Variants in KIF5B observed in about 807,000 individuals in gnomAD.
KIF5B encodes the protein kinesin-1 heavy chain.
In KIF5B, 49 loss-of-function variants were observed where a neutral mutation model predicts 132.8. The observed-to-expected ratio is 0.37, with a 90% CI of 0.29 to 0.47. The LOEUF (loss-of-function observed/expected upper bound fraction) is 0.47, where lower values mean the gene tolerates loss of function less well. KIF5B is among the 20% of genes least tolerant of loss of function. The pLI is 1.00. For synonymous variants in KIF5B, 355 were observed against 369.4 expected, an observed-to-expected ratio of 0.96 and a Z score of 0.45; for missense variants, 780 against 1,144.0, an observed-to-expected ratio of 0.68 and a Z score of 4.59.
chr10:32,037,849 C>G (rs987652922), intron 6 of KIF5B, among the ~76,000 whole-genome samples: 1 of 151,784 alleles, frequency 6.6e-6, no homozygotes, highest in Non-Finnish European at 1.5e-5. Flanking sequence ...AATTGGCTCA[C>G]GCCTGTAATC....
intron 1 of KIF5B, among the ~76,000 whole-genome samples, chr10:32,055,539 C>G (rs998681751): frequency 6.6e-6 from 1 of 151,944 alleles, no homozygotes; most frequent in Non-Finnish European, 1.5e-5. Flanking sequence ...CACACACACA[C>G]ACGCAGACAA....
intron 25 of KIF5B, among the ~76,000 whole-genome samples, chr10:32,013,700 GTTATT>G (rs1841116567): frequency 6.6e-6 from 1 of 152,098 alleles, no homozygotes; most frequent in Non-Finnish European, 1.5e-5. Context: ...GTAGAAAAAT[GTTATT>G]TTAGAGATTC....
intron 14 of KIF5B, among the ~76,000 whole-genome samples, chr10:32,030,235 C>T (rs1262885219): frequency 2.0e-5 from 3 of 152,036 alleles, no homozygotes; most frequent in East Asian, 1.9e-4. Context: ...TCCATCTAGT[C>T]GCCAGGCACG....
rs761334417 is a variant in KIF5B, at chr10:32,031,121, G to A, written c.1533C>T (p.Asp511=). ...TAAGCAATTCATATTCCTTAGTTTTGTCTTCAACTTCCTGAGACTTCTGAT... is the reference window on the plus strand; with the variant it reads ...TAAGCAATTCATATTCCTTAGTTTTATCTTCAACTTCCTGAGACTTCTGAT... ...NYDQKSQEVE[D]KTKEYELLSD... Residue 511 remains aspartate (D), a synonymous_variant, in exon 14 of 26, where the codon GAC becomes GAT. Transcript: ENST00000302418. 1 of 1,613,738 alleles carries A rather than the reference G, an allele frequency of 6.2e-7. No individual in the cohort carries two copies. Among genetic ancestry groups the A allele is most frequent in the South Asian group, 1.1e-5 (1 of 91,078 alleles).
chr10:32,019,904 A>C lies in KIF5B; in HGVS notation c.2260T>G (p.Leu754Val), dbSNP rs749918352. Reference protein sequence around the residue: ...QERLRVEHEKLKATDQEKSRK... With the variant: ...QERLRVEHEKVKATDQEKSRK... ...CTCTTTTCCTGATCTGTGGCTTTCA[A>C]CTTCTCATGTTCTACTCTTAGACGT... is the stretch of plus-strand genomic sequence containing the variant. The change falls in exon 20 of 26, where the codon TTG becomes GTG. Residue 754 changes from leucine to valine, a missense_variant. Physicochemically the swap from Leu to Val is conservative, Grantham distance 32. Coordinates refer to ENST00000302418, the MANE Select transcript of KIF5B (RefSeq NM_004521.3). 1.2e-6 allele frequency: 2 copies of C among 1,612,452 alleles called. No individual in the cohort carries two copies. The highest frequency in any genetic ancestry group is 8.5e-7 in the Non-Finnish European group (1 of 1,179,544).
Position 32,056,061 on chromosome 10 carries a change from G to A in KIF5B, c.-88C>T. 2 of 1,513,466 alleles carry A rather than the reference G, an allele frequency of 1.3e-6. No individual in the cohort carries two copies. The highest frequency in any genetic ancestry group is 8.9e-7 in the Non-Finnish European group (1 of 1,120,074). 93.8% of individuals were successfully genotyped at this position (1,513,466 alleles called of 1,614,324 possible). Reference sequence around the variant, plus strand: ...GCGCCGGACCTGAGGGCTTGTGGTCGCGAGGGCCGTGAGAGGCAGCAGTCA... The same window carrying A: ...GCGCCGGACCTGAGGGCTTGTGGTCACGAGGGCCGTGAGAGGCAGCAGTCA... On this transcript the variant is annotated 5_prime_UTR_variant, in exon 1 of 26. Transcript: ENST00000302418.
chr10:32,018,476 C>T, intron 21 of KIF5B, 26 bp downstream of exon 21: 4 of 1,603,002 alleles, frequency 2.5e-6, no homozygotes, highest in Non-Finnish European at 3.4e-6. Flanking sequence ...ATTTCCCAAT[C>T]CTGTTTATTT....
In KIF5B at chr10:32,009,309, A is replaced by T. The variant is rs1209983540; in HGVS notation, c.*2228T>A. On this transcript the variant is annotated 3_prime_UTR_variant, in exon 26 of 26. Transcript: ENST00000302418. ...TTTCATTGAGTTTCTCTTCTGAACC[A>T]TCTATCAATGCCATTCAGAGGAACG... The T allele has an allele frequency of 1.3e-5, 2 of 152,208 alleles. No individual in the cohort carries two copies. Among genetic ancestry groups the T allele is most frequent in the African/African-American group, 2.4e-5 (1 of 41,450 alleles). 9.4% of individuals were successfully genotyped at this position (152,208 alleles called of 1,614,324 possible). A position where few individuals can be genotyped will look rare whatever the true frequency, so the allele number is the denominator to read the frequency against.
chr10:32,019,997 TCA>T (rs767880948), intron 19 of KIF5B, 38 bp from the exon 20 acceptor site: 3 of 1,303,046 alleles, frequency 2.3e-6, no homozygotes, highest in Non-Finnish European at 3.3e-6. Context: ...AGTATCAATA[TCA>T]CAGTTTTCTC....
chr10:32,034,072 A>C lies in KIF5B; in HGVS notation c.1112-34T>G, dbSNP rs559482376. On this transcript the variant is annotated intron_variant, in intron 11 of 25. Transcript: ENST00000302418. ...AGAAAATAAAGTGGTTAATAAAAAA[A>C]CGACGTCTAAAGCTAATTTCAATTT... 1.4e-5 allele frequency: 19 copies of C among 1,355,538 alleles called. No individual in the cohort carries two copies. The African/African-American group carries it at 2.4e-4, about 17-fold the overall frequency. 84.0% of individuals were successfully genotyped at this position (1,355,538 alleles called of 1,614,324 possible).
chr10:32,041,825 A>C (rs1016930687), intron 2 of KIF5B, among the ~76,000 whole-genome samples: 10 of 152,102 alleles, frequency 6.6e-5, no homozygotes, highest in African/African-American at 2.4e-4. Context: ...GGGTCTTGCT[A>C]TGTTGCCCAG....
chr10:32,018,017 A>G, intron 23 of KIF5B, 35 bp downstream of exon 23: 1 of 1,226,816 alleles, frequency 8.2e-7, no homozygotes, highest in Non-Finnish European at 1.2e-6. Flanking sequence ...GATTTTTACT[A>G]TCTTGCAGCT....
chr10:32,023,105 A>AT, intron 15 of KIF5B, 69 bp from the exon 16 acceptor site: 1 of 779,694 alleles, frequency 1.3e-6, no homozygotes. Flanking sequence ...CAATTAGGCT[A>AT]TAAAATCTTT....
chr10:32,024,535 G>A (rs1046856112), intron 15 of KIF5B, among the ~76,000 whole-genome samples: 6 of 150,900 alleles, frequency 4.0e-5, no homozygotes, highest in Non-Finnish European at 7.4e-5. Context: ...AGGCTGACGC[G>A]GGCAGATCAC....
chr10:32,019,728 T>C, intron 20 of KIF5B, 130 bp downstream of exon 20: 1 of 570,600 alleles, frequency 1.8e-6, no homozygotes, highest in Non-Finnish European at 3.1e-6. Flanking sequence ...ACCAACTCAG[T>C]GGATTTAAGA....
Position 32,039,409 on chromosome 10 carries a change from C to A in KIF5B, c.311G>T (p.Gly104Val). 2.0e-6 allele frequency: 3 copies of A among 1,503,936 alleles called. No homozygotes were observed. The highest frequency in any genetic ancestry group is 2.7e-6 in the Non-Finnish European group (3 of 1,103,734). The allele number at this position is 1,503,936 out of a possible 1,614,324, so 93.2% of individuals were successfully genotyped here. A position where few individuals can be genotyped will look rare whatever the true frequency, so the allele number is the denominator to read the frequency against. The stretch of plus-strand genomic sequence containing the variant: ...CACTATTCTTGGAATAATTCCCATG[C>A]CTTCTGGATCATGAAGTTTACCCTA... ...TMEGKLHDPE[G>V]MGIIPRIVQD... The change falls in exon 4 of 26, where the codon GGC becomes GTC. Residue 104 changes from glycine (G) to valine (V), a missense_variant. Transcript: ENST00000302418.
At position 32,055,960 on chromosome 10, in the gene KIF5B, G is replaced by C; in HGVS notation, c.14C>G (p.Ala5Gly). Residue 5 changes from alanine to glycine, a missense_variant, in exon 1 of 26, where the codon GCC becomes GGC. Physicochemically the swap from Ala to Gly is moderately conservative, Grantham distance 60. Coordinates refer to ENST00000302418, the MANE Select transcript of KIF5B (RefSeq NM_004521.3). ...ACACATCACTTTGATGTTGCACTCG[G>C]CCAGGTCCGCCATCTTTCTCGCAGC... is the stretch of plus-strand genomic sequence containing the variant. MADL[A>G]ECNIKVMCRF... 6.2e-7 allele frequency: 1 copy of C among 1,606,990 alleles called. No individual in the cohort carries two copies. The highest frequency in any genetic ancestry group is 1.1e-5 in the South Asian group (1 of 91,048).
intron 13 of KIF5B, 25 bp downstream of exon 13, chr10:32,032,681 G>T: frequency 6.4e-7 from 1 of 1,566,952 alleles, no homozygotes; most frequent in African/African-American, 1.4e-5. Context: ...TTTTCTGGAA[G>T]CAATGTAAAA....
chr10:32,037,598 C>CT lies in KIF5B; in HGVS notation c.507dup (p.Glu170ArgfsTer6). 6.2e-7 allele frequency: 1 copy of CT among 1,605,366 alleles called. No individual in the cohort carries two copies. The highest frequency in any genetic ancestry group is 8.5e-7 in the Non-Finnish European group (1 of 1,172,536). On this transcript the variant is annotated frameshift_variant, in exon 7 of 26. Transcript: ENST00000302418. LOFTEE classifies it high-confidence loss of function. ...TCATCTGGACTACATACAAAACGCT[C>CT]TGTGCACCCCTGTGAAATAATTTTT...
Sources: gnomAD v4.1 joint callset for allele counts (sites outside exome capture counted in the v4.1 genomes callset) on GRCh38, gnomAD v4.1.1 for gene constraint, MANE v1.5 for transcripts, NCBI Gene and HGNC (gene_info 2026-07-23, HGNC 2026-07-21) for gene names.